Variants in KCTD1 observed in about 807,000 individuals in gnomAD.
KCTD1 encodes the protein potassium channel tetramerization domain containing 1.
Under a neutral mutation model 66.0 loss-of-function variants are expected in KCTD1, and 24 were observed. That is an observed-to-expected ratio of 0.36 (90% CI 0.26 to 0.51). The LOEUF (loss-of-function observed/expected upper bound fraction) is 0.51. Among genes scored for constraint, KCTD1 ranks in the 20% least tolerant of loss-of-function variants. KCTD1 has a pLI of 0.95. For synonymous variants in KCTD1, 511 were observed against 517.2 expected (o/e 0.99, Z 0.16); for missense variants, 943 against 1,205.2 (o/e 0.78, Z 3.22).
rs944527658 is a variant in KCTD1, at chr18:26,547,081, C to T, written c.1456G>A (p.Gly486Arg). The stretch of plus-strand genomic sequence containing the variant: ...TGGTGGGAGTGGTGCCGTGCCGCCC[C>T]GTTCAGAGCCTCGGCGTAGCAGCCC... ...PQGCYAEALN[G>R]AARHHSHHPP... The change falls in exon 1 of 5, where the codon GGG becomes AGG. Residue 486 changes from glycine to arginine, a missense_variant. Around this residue, in one of 10 missense-constraint regions of KCTD1, gnomAD observed 197 missense variants for 182.7 expected, o/e 1.08. Coordinates refer to ENST00000580059, the MANE Select transcript of KCTD1 (RefSeq NM_001142730.3). 3.9e-6 allele frequency: 6 copies of T among 1,540,072 alleles called. No homozygotes were observed. In the Admixed American group the frequency reaches 9.8e-5, roughly 25 times the overall value.
chr18:26,493,406 G>T (rs66848483), intron 2 of KCTD1, among the ~76,000 whole-genome samples: 78,561 of 149,252 alleles, frequency 0.53, 20,602 homozygotes, highest in African/African-American at 0.59. Flanking sequence ...TGTATTTTTT[G>T]GGGGGAAAAA....
intron 1 of KCTD1, among the ~76,000 whole-genome samples, chr18:26,606,665 G>T (rs554378849): frequency 1.7e-4 from 26 of 152,332 alleles, no homozygotes; most frequent in Non-Finnish European, 3.7e-4. Flanking sequence ...CATCATCCCA[G>T]TCAAGGCCAG....
intron 1 of KCTD1, among the ~76,000 whole-genome samples, chr18:26,634,480 C>T (rs191997486): frequency 1.4e-3 from 210 of 151,990 alleles, no homozygotes; most frequent in Middle Eastern, 6.8e-3. Context: ...AAATACATAT[C>T]GGGCATGTTA....
chr18:26,456,515 A>G (rs1265179383), intron 4 of KCTD1: 5 of 152,240 alleles, frequency 3.3e-5, no homozygotes, highest in Non-Finnish European at 5.9e-5. Flanking sequence ...AGGATTATCT[A>G]CAGGTTTTCA....
At chr18:26,579,802 G>A (rs1359887448) in intron 1 of KCTD1, among the ~76,000 whole-genome samples, 2 of 152,104 alleles carry the variant, frequency 1.3e-5, no homozygotes, top group Non-Finnish European at 2.9e-5. Flanking sequence ...AGCTGGAAGG[G>A]GAAAACTGAA....
At chr18:26,545,585 A>G (rs1391813518) in intron 1 of KCTD1, 3 of 151,998 alleles carry the variant, frequency 2.0e-5, no homozygotes, top group African/African-American at 7.3e-5. Context: ...GGCCTGCACT[A>G]TACCTTCAGA....
Position 26,597,013 on chromosome 18 carries a change from C to A in KCTD1, c.-16+32134G>T, listed in dbSNP as rs181060101. 4.0e-4 allele frequency among the ~76,000 whole-genome samples: 60 copies of A among 151,616 alleles called. No homozygotes were observed. In the East Asian group the frequency reaches 0.01, roughly 26 times the overall value. On this transcript the variant is annotated intron_variant, in intron 1 of 4. Coordinates refer to the KCTD1 transcript ENST00000317932. ...AGAGCCAAGTGGTCCTATGGGCCTG[C>A]TCTGGGGAAGCTGCAGTGACCCAGA...
At chr18:26,557,752 G>T (rs1362555946) in intron 1 of KCTD1, among the ~76,000 whole-genome samples, 1 of 152,130 alleles carries the variant, frequency 6.6e-6, no homozygotes, top group Non-Finnish European at 1.5e-5. Flanking sequence ...AATGCAAGTT[G>T]TGAAACCTCT....
chr18:26,546,225 T>A (rs1224596085), intron 1 of KCTD1, among the ~76,000 whole-genome samples: 18 of 142,088 alleles, frequency 1.3e-4, no homozygotes, highest in Non-Finnish European at 1.2e-4. Context: ...CCCTTTTCTT[T>A]AAAAAAAAAA....
chr18:26,634,375 C>T (rs974591213), intron 1 of KCTD1, among the ~76,000 whole-genome samples: 4 of 152,114 alleles, frequency 2.6e-5, no homozygotes, highest in Non-Finnish European at 2.9e-5. Flanking sequence ...TGTGAAACAA[C>T]GATCCCAACC....
chr18:26,505,808 C>A (rs781238634), intron 1 of KCTD1, among the ~76,000 whole-genome samples: 10 of 152,186 alleles, frequency 6.6e-5, no homozygotes, highest in Non-Finnish European at 1.5e-4. Context: ...ATCTTCCCAC[C>A]TAGGCCTCCC....
chr18:26,464,712 A>G (rs1045217484), intron 3 of KCTD1, among the ~76,000 whole-genome samples: 1 of 152,156 alleles, frequency 6.6e-6, no homozygotes, highest in Non-Finnish European at 1.5e-5. Context: ...TCTCTGAGGA[A>G]TGTCTCCAAT....
intron 2 of KCTD1, among the ~76,000 whole-genome samples, chr18:26,484,733 G>A (rs1462346872): frequency 6.6e-6 from 1 of 152,150 alleles, no homozygotes; most frequent in Non-Finnish European, 1.5e-5. Flanking sequence ...GGTCCCACTG[G>A]GTGTCACGGA....
intron 1 of KCTD1, among the ~76,000 whole-genome samples, chr18:26,647,341 C>CCCCA (rs1555649515): frequency 1.8e-5 from 2 of 109,722 alleles, no homozygotes; most frequent in African/African-American, 5.6e-5. Flanking sequence ...ACCCCCCCCC[C>CCCCA]ATCTCTACTA....
intron 1 of KCTD1, among the ~76,000 whole-genome samples, chr18:26,593,426 T>C (rs1024937883): frequency 3.6e-5 from 3 of 83,468 alleles, no homozygotes; most frequent in Admixed American, 3.6e-4. Context: ...AGGAAGAAGA[T>C]GAGGAGGAGG....
Position 26,476,768 on chromosome 18 carries a change from G to T in KCTD1, c.1989-109C>A. ...AAAGGTAGCACTTTTGAAGATGGCA[G>T]TAGGGAAAAATTACGATTGTCTGCA... On this transcript the variant is annotated intron_variant, in intron 2 of 4. Transcript: ENST00000580059. The surrounding 1 kb of genome is among the most constrained non-coding windows in gnomAD (Gnocchi z 4.9). The T allele has an allele frequency of 1.1e-6, 1 of 935,360 alleles. No individual in the cohort carries two copies. Among genetic ancestry groups the T allele is most frequent in the Non-Finnish European group, 1.6e-6 (1 of 611,498 alleles). The allele number at this position is 935,360 out of a possible 1,614,324, so 57.9% of individuals were successfully genotyped here. A position where few individuals can be genotyped will look rare whatever the true frequency, so the allele number is the denominator to read the frequency against.
chr18:26,614,291 C>G (rs139997238), intron 1 of KCTD1, among the ~76,000 whole-genome samples: 8 of 152,308 alleles, frequency 5.3e-5, no homozygotes, highest in African/African-American at 1.2e-4. Flanking sequence ...TGCAAAGGCA[C>G]TGGAGGGAGG....
intron 4 of KCTD1, chr18:26,457,454 A>T (rs1980153631): frequency 6.6e-6 from 1 of 152,222 alleles, no homozygotes; most frequent in Non-Finnish European, 1.5e-5. Context: ...TGATTAGGAG[A>T]GGAAATCCAA....
intron 2 of KCTD1, among the ~76,000 whole-genome samples, 197 bp downstream of exon 2, chr18:26,500,875 A>G (rs1348128944): frequency 6.6e-6 from 1 of 152,176 alleles, no homozygotes; most frequent in Non-Finnish European, 1.5e-5. Context: ...GACTCAACTA[A>G]GCTGCGGGTC....
Sources: allele counts gnomAD v4.1 joint callset (sites outside exome capture counted in the v4.1 genomes callset), GRCh38; gene constraint gnomAD v4.1.1; regional missense constraint gnomAD v4.1.1; non-coding constraint Gnocchi (gnomAD v3.1); transcripts MANE v1.5; gene names NCBI Gene and HGNC (gene_info 2026-07-23, HGNC 2026-07-21).